The following IGFL2 variants were observed in gnomAD, a reference collection of about 807,000 sequenced individuals.
The protein encoded by IGFL2 is IGF like family member 2, also known as insulin growth factor-like family member 2.
Under a neutral mutation model 13.9 loss-of-function variants are expected in IGFL2, and 7 were observed. The ratio of observed to expected loss-of-function variants is 0.51; its 90% CI spans 0.29 to 0.95. The LOEUF (loss-of-function observed/expected upper bound fraction) is 0.95. IGFL2 is among the 40% of genes least tolerant of loss of function. The pLI is 0.08. For synonymous variants in IGFL2, 55 were observed against 55.8 expected (o/e 0.99, Z 0.07); for missense variants, 138 against 147.8 (o/e 0.93, Z 0.34).
At chr19:46,084,716 T>C in the IGFL2 span, among the ~76,000 whole-genome samples, 1 of 152,118 alleles carries the variant, frequency 6.6e-6, no homozygotes, top group African/African-American at 2.4e-5. Context: ...CAAGAACTTA[T>C]CACCAAGGGA....
chr19:46,084,863 CT>C, the IGFL2 span, among the ~76,000 whole-genome samples: 3 of 152,192 alleles, frequency 2.0e-5, no homozygotes, highest in African/African-American at 7.2e-5. Context: ...CATTCCACCC[CT>C]GTCTCCACAT....
the IGFL2 span, among the ~76,000 whole-genome samples, chr19:46,092,869 C>T: frequency 1.3e-5 from 2 of 152,120 alleles, no homozygotes; most frequent in South Asian, 4.1e-4. Context: ...AAAGGGCATA[C>T]TGTCTCTCTA....
At chr19:46,141,507 A>T (rs1172056585), upstream of IGFL2, among the ~76,000 whole-genome samples, 1 of 152,108 alleles carries the variant, frequency 6.6e-6, no homozygotes, top group African/African-American at 2.4e-5. Flanking sequence ...CTCCCAGCTC[A>T]TCCCACAAGG....
the IGFL2 span, chr19:46,212,060 T>C: frequency 6.6e-6 from 1 of 152,170 alleles, no homozygotes; most frequent in Non-Finnish European, 1.5e-5. Context: ...CCATTTTTTT[T>C]TTCAATTAAA....
the IGFL2 span, chr19:46,111,053 C>T: frequency 0.11 from 16,219 of 152,166 alleles, 1,196 homozygotes; most frequent in African/African-American, 0.2. Flanking sequence ...GCTCATACCC[C>T]AGGGTAGTTG....
chr19:46,175,843 AT>A, the IGFL2 span, among the ~76,000 whole-genome samples: 110,860 of 120,012 alleles, frequency 0.92, 51,346 homozygotes, highest in Non-Finnish European at 0.98. Context: ...GCCTGGCACT[AT>A]TTTTTTTTTT....
At chr19:46,200,608 T>G in the IGFL2 span, among the ~76,000 whole-genome samples, 6 of 151,832 alleles carry the variant, frequency 4.0e-5, no homozygotes, top group African/African-American at 1.5e-4. Flanking sequence ...CTGGAACTCT[T>G]GAGCTCAAGC....
chr19:46,124,539 A>G, the IGFL2 span: 8 of 1,319,140 alleles, frequency 6.1e-6, no homozygotes, highest in Non-Finnish European at 8.7e-6. Context: ...ATAATGTTAG[A>G]GATAAAGAGG....
the IGFL2 span, chr19:46,120,398 A>T: frequency 6.2e-7 from 1 of 1,609,146 alleles, no homozygotes; most frequent in Non-Finnish European, 8.5e-7. Context: ...AACAACATAT[A>T]TTCTCAGGAA....
chr19:46,111,840 A>G, the IGFL2 span: 12 of 152,340 alleles, frequency 7.9e-5, no homozygotes, highest in Admixed American at 7.8e-4. Flanking sequence ...AAGTTTTGCC[A>G]TTAGAAAAAT....
rs548528430 is a variant in IGFL2 at position 46,160,892 on chromosome 19, C to A, written c.341+11C>A. ...CAGTAAATGTGAAAGGTAGGGACCC[C>A]GTCCCTGGCCAGGGGGTCGGGGGAA... On this transcript the variant is annotated intron_variant, in intron 3 of 3. Transcript: ENST00000377693. 6.2e-7 allele frequency: 1 copy of A among 1,612,086 alleles called. No individual in the cohort carries two copies. The highest frequency in any genetic ancestry group is 1.3e-5 in the African/African-American group (1 of 74,852).
At chr19:46,134,932 A>G in the IGFL2 span, among the ~76,000 whole-genome samples, 51 of 152,312 alleles carry the variant, frequency 3.3e-4, no homozygotes, top group African/African-American at 1.1e-3. Context: ...GGTGCATAAT[A>G]CTGAGAAGAG....
downstream of IGFL2, among the ~76,000 whole-genome samples, chr19:46,162,080 A>C (rs1186296832): frequency 6.6e-6 from 1 of 152,230 alleles, no homozygotes; most frequent in African/African-American, 2.4e-5. Context: ...GCTGGATATA[A>C]AATTCTTGGT....
upstream of IGFL2, chr19:46,143,301 A>C (rs1351054317): frequency 7.9e-5 from 12 of 152,222 alleles, no homozygotes; most frequent in Admixed American, 7.9e-4. Flanking sequence ...TATAACACAT[A>C]GAATATACAA....
At chr19:46,214,039 CCTT>C in the IGFL2 span, 4 of 152,538 alleles carry the variant, frequency 2.6e-5, no homozygotes, top group East Asian at 7.7e-4. Context: ...TCAGCTCCGT[CCTT>C]CTGAAACCCG....
At chr19:46,083,456 T>A in the IGFL2 span, among the ~76,000 whole-genome samples, 1 of 152,208 alleles carries the variant, frequency 6.6e-6, no homozygotes, top group Non-Finnish European at 1.5e-5. Flanking sequence ...TTAATATGTA[T>A]GCAAATGTGT....
At chr19:46,110,313 T>C in the IGFL2 span, among the ~76,000 whole-genome samples, 9 of 152,228 alleles carry the variant, frequency 5.9e-5, no homozygotes, top group East Asian at 1.2e-3. Flanking sequence ...CTGAGTGTAC[T>C]CAATAAAGAT....
At chr19:46,168,761 C>G in the IGFL2 span, among the ~76,000 whole-genome samples, 35 of 152,332 alleles carry the variant, frequency 2.3e-4, no homozygotes, top group African/African-American at 8.2e-4. Flanking sequence ...TTGCAGTTCT[C>G]AAGCTTGGCC....
At position 46,160,880 on chromosome 19, in the gene IGFL2, A is replaced by G; in HGVS notation, c.340A>G (p.Ser114Gly). ...HSSPISSKCE[S>G]RRRFP ...ATCTCCCATCTCCAGTAAATGTGAA[A>G]GGTAGGGACCCCGTCCCTGGCCAGG... is the stretch of plus-strand genomic sequence containing the variant. Residue 114 changes from serine (S) to glycine (G), a missense_variant and splice_region_variant, in exon 3 of 4, where the codon AGC (serine) becomes GGC (glycine). By Grantham distance (56) the Ser-to-Gly change is moderately conservative. Coordinates refer to ENST00000377693, the MANE Select transcript of IGFL2 (RefSeq NM_001135113.2). 2 of 1,613,758 alleles carry G rather than the reference A, an allele frequency of 1.2e-6. No individual in the cohort carries two copies. Among genetic ancestry groups the G allele is most frequent in the Non-Finnish European group, 1.7e-6 (2 of 1,179,698 alleles).
Sources: gnomAD v4.1 joint callset for allele counts (sites outside exome capture counted in the v4.1 genomes callset) on GRCh38, gnomAD v4.1.1 for gene constraint, MANE v1.5 for transcripts, NCBI Gene and HGNC (gene_info 2026-07-23, HGNC 2026-07-21) for gene names.